SPON1: variants seen among roughly 807,000 people sequenced by gnomAD.
SPON1 encodes spondin 1, also known as spondin-1.
Under a neutral mutation model 111.7 loss-of-function variants are expected in SPON1, and 52 were observed. The observed-to-expected ratio is 0.47, with a 90% CI of 0.37 to 0.59. The LOEUF is 0.59. SPON1 is among the 20% of genes least tolerant of loss of function. The probability of loss-of-function intolerance (pLI) is 0.00; values close to 1 mark genes in which losing one functional copy is unlikely to be tolerated. For synonymous variants in SPON1, 410 were observed against 395.8 expected (o/e 1.04, Z -0.43); for missense variants, 957 against 1,068.5 (o/e 0.90, Z 1.46).
intron 15 of SPON1, 66 bp downstream of exon 15, chr11:14,263,041 C>A: frequency 2.6e-3 from 2,555 of 997,258 alleles, no homozygotes; most frequent in Non-Finnish European, 3.4e-3. Context: ...TGGGCTAAGT[C>A]TTGGACCTGT....
chr11:14,023,761 T>A (rs1848497157), intron 2 of SPON1, among the ~76,000 whole-genome samples: 1 of 152,168 alleles, frequency 6.6e-6, no homozygotes, highest in African/African-American at 2.4e-5. Context: ...CCCAGCACTT[T>A]GGGAGGCTGA....
intron 5 of SPON1, among the ~76,000 whole-genome samples, chr11:14,115,417 G>A (rs963218820): frequency 6.6e-6 from 1 of 152,102 alleles, no homozygotes; most frequent in Admixed American, 6.5e-5. Context: ...CCTCCGTTTT[G>A]TCCCCATCCA....
At chr11:14,204,597 A>C (rs1848497813) in intron 6 of SPON1, among the ~76,000 whole-genome samples, 1 of 149,938 alleles carries the variant, frequency 6.7e-6, no homozygotes. Flanking sequence ...TCCAAGTAAG[A>C]TTTTCAACAA....
chr11:14,171,014 G>C (rs1176181459), intron 6 of SPON1, among the ~76,000 whole-genome samples: 1 of 152,222 alleles, frequency 6.6e-6, no homozygotes, highest in South Asian at 2.1e-4. Flanking sequence ...CTCATAAAAT[G>C]AGTTAGGGAG....
At chr11:14,261,115 GTGACCATTTT>G (rs1849166153) in intron 14 of SPON1, among the ~76,000 whole-genome samples, 2 of 152,042 alleles carry the variant, frequency 1.3e-5, no homozygotes, top group South Asian at 4.1e-4. Flanking sequence ...TATTTTCCCT[GTGACCATTTT>G]AATTCCCCAT....
chr11:14,147,823 T>C (rs1272598916), intron 6 of SPON1, among the ~76,000 whole-genome samples: 1 of 151,902 alleles, frequency 6.6e-6, no homozygotes, highest in African/African-American at 2.4e-5. Flanking sequence ...GAGCTTCTTA[T>C]GGTCAGTTTT....
chr11:14,227,592 C>A (rs868983786), intron 6 of SPON1, among the ~76,000 whole-genome samples: 32 of 152,182 alleles, frequency 2.1e-4, no homozygotes, highest in African/African-American at 7.2e-4. Context: ...GAGGTGCATT[C>A]TTTATTGTTC....
chr11:14,246,445 G>T (rs1170471711), intron 7 of SPON1, among the ~76,000 whole-genome samples: 2 of 152,164 alleles, frequency 1.3e-5, no homozygotes, highest in Non-Finnish European at 2.9e-5. Flanking sequence ...TGATTCTAAT[G>T]CCTGTGCTTT....
chr11:14,192,512 C>CT (rs375849064), intron 6 of SPON1, among the ~76,000 whole-genome samples: 2 of 151,892 alleles, frequency 1.3e-5, no homozygotes, highest in Non-Finnish European at 2.9e-5. Context: ...GAAGCTGCCC[C>CT]GTCAATGTGC....
At chr11:14,172,674 T>G (rs1327495668) in intron 6 of SPON1, among the ~76,000 whole-genome samples, 4 of 151,744 alleles carry the variant, frequency 2.6e-5, no homozygotes, top group Non-Finnish European at 1.5e-5. Flanking sequence ...AGGAGCTCTT[T>G]TAGGGCAGGC....
intron 15 of SPON1, among the ~76,000 whole-genome samples, chr11:14,263,721 T>A (rs1279000783): frequency 1.3e-5 from 2 of 151,554 alleles, no homozygotes; most frequent in Non-Finnish European, 2.9e-5. Flanking sequence ...TCTAGAGGAG[T>A]TTGCCACTTA....
intron 6 of SPON1, among the ~76,000 whole-genome samples, chr11:14,183,059 C>G (rs1848251793): frequency 6.6e-6 from 1 of 152,322 alleles, no homozygotes; most frequent in African/African-American, 2.4e-5. Flanking sequence ...TGTGAAATGG[C>G]TTTATAGTTA....
chr11:14,108,754 CT>C (rs1227158827), intron 5 of SPON1, among the ~76,000 whole-genome samples: 207 of 144,762 alleles, frequency 1.4e-3, no homozygotes, highest in East Asian at 4.6e-3. Context: ...ATTTGATGAC[CT>C]TTTTTTTTTT....
chr11:14,265,888 TC>T lies in SPON1; in HGVS notation c.*203del. On this transcript the variant is annotated 3_prime_UTR_variant, in exon 16 of 16. Coordinates refer to ENST00000576479, the MANE Select transcript of SPON1 (RefSeq NM_006108.4). ...ACAGGCTGAGTGGGGCGCCCTCACCTCCAGCCAGCCTCTTCCTGCAGAGGAG... is the reference window on the plus strand; with the variant it reads ...ACAGGCTGAGTGGGGCGCCCTCACCTCAGCCAGCCTCTTCCTGCAGAGGAG... 1 of 540,990 alleles carries T rather than the reference TC, an allele frequency of 1.8e-6. No individual in the cohort carries two copies. 33.5% of individuals were successfully genotyped at this position (540,990 alleles called of 1,614,324 possible).
chr11:14,162,133 G>A (rs1364862368), intron 6 of SPON1, among the ~76,000 whole-genome samples: 7 of 148,778 alleles, frequency 4.7e-5, no homozygotes, highest in African/African-American at 1.8e-4. Context: ...ACACTAGCCT[G>A]GTCAGAAAAG....
chr11:14,090,948 C>T (rs576197928), intron 5 of SPON1, among the ~76,000 whole-genome samples: 28 of 151,100 alleles, frequency 1.9e-4, no homozygotes, highest in African/African-American at 6.3e-4. Context: ...TCCACGTCCC[C>T]ATCAGATTAG....
chr11:14,170,665 G>T (rs11493369), intron 6 of SPON1, among the ~76,000 whole-genome samples: 25 of 151,468 alleles, frequency 1.7e-4, no homozygotes, highest in Admixed American at 4.6e-4. Context: ...TGTGAGGTAC[G>T]TCCCATCAAT....
chr11:14,243,752 T>C (rs1388817031), intron 7 of SPON1, among the ~76,000 whole-genome samples: 1 of 152,216 alleles, frequency 6.6e-6, no homozygotes, highest in Non-Finnish European at 1.5e-5. Context: ...TTAGCCAGTC[T>C]GATGTGTGGA....
At position 14,128,976 on chromosome 11, in the gene SPON1, C is replaced by T. The variant is rs150986117; in HGVS notation, c.677-6444C>T. Among the ~76,000 whole-genome samples, 399 of 152,382 alleles carry T rather than the reference C, an allele frequency of 2.6e-3. 2 individuals are homozygous for T. Among genetic ancestry groups the T allele is most frequent in the African/African-American group, 8.7e-3 (361 of 41,606 alleles). On this transcript the variant is annotated intron_variant, in intron 5 of 15. Transcript: ENST00000576479. ...GCAGCTGGGACAGAAGGCACCATGT[C>T]CCAAGGCTGCACAGACCAGCAGGGC...
Sources: allele counts gnomAD v4.1 joint callset (sites outside exome capture counted in the v4.1 genomes callset), GRCh38; gene constraint gnomAD v4.1.1; transcripts MANE v1.5; gene names NCBI Gene and HGNC (gene_info 2026-07-23, HGNC 2026-07-21).